Variants in OVCH1 observed in about 807,000 individuals in gnomAD.
OVCH1 encodes ovochymase-1.
Under a neutral mutation model 138.4 loss-of-function variants are expected in OVCH1, and 139 were observed. The observed-to-expected ratio is 1.00, with a 90% CI of 0.87 to 1.16. OVCH1 has a LOEUF of 1.16. Among genes scored for constraint, OVCH1 ranks in the 50% most tolerant of loss-of-function variants. OVCH1 has a pLI of 0.00. For missense variants in OVCH1, 1,367 were observed against 1,357.9 expected (o/e 1.01, Z -0.11); for synonymous variants, 453 against 467.8 (o/e 0.97, Z 0.41).
rs1404794693 is a variant in OVCH1, at chr12:29,451,610, TAAAGC to T, written c.2531-46_2531-42del. On this transcript the variant is annotated intron_variant, in intron 21 of 27. Transcript: ENST00000318184. ...CACAGACACCAGGGACCAACATAAA[TAAAGC>T]AAAGAAAAACCAGATTCTATCACAA... 5 of 1,496,044 alleles carry T rather than the reference TAAAGC, an allele frequency of 3.3e-6. No individual in the cohort carries two copies. The African/African-American group carries it at 7.0e-5, about 21-fold the overall frequency. 92.7% of individuals were successfully genotyped at this position (1,496,044 alleles called of 1,614,324 possible). A position where few individuals can be genotyped will look rare whatever the true frequency, so the allele number is the denominator to read the frequency against.
intron 2 of OVCH1, 46 bp downstream of exon 2, chr12:29,496,510 T>A: frequency 1.4e-6 from 2 of 1,470,070 alleles, no homozygotes; most frequent in Non-Finnish European, 1.9e-6. Context: ...AAAGGAAATA[T>A]TTCACTGTTT....
intron 16 of OVCH1, among the ~76,000 whole-genome samples, chr12:29,469,034 A>G (rs1942414142): frequency 6.6e-6 from 1 of 152,202 alleles, no homozygotes; most frequent in Non-Finnish European, 1.5e-5. Context: ...TCAAAGAGAC[A>G]CAGAAAACAA....
At chr12:29,437,626 C>A (rs1941388632) in intron 26 of OVCH1, among the ~76,000 whole-genome samples, 1 of 151,942 alleles carries the variant, frequency 6.6e-6, no homozygotes, top group Non-Finnish European at 1.5e-5. Context: ...AGTATGCTTT[C>A]CATGATTACA....
At chr12:29,481,494 A>T (rs1231542046) in intron 8 of OVCH1, among the ~76,000 whole-genome samples, 1 of 152,204 alleles carries the variant, frequency 6.6e-6, no homozygotes, top group Non-Finnish European at 1.5e-5. Context: ...CATCTACTAA[A>T]GTTGAAGCAA....
In OVCH1 at chr12:29,465,033, G is replaced by T. The variant is rs902111271; in HGVS notation, c.1929+114C>A. ...TTAAATGTGGGTATAAATAATAAGT[G>T]TGAAAGGGCCCTAGGAGATTAATAA... On this transcript the variant is annotated intron_variant, in intron 17 of 27. Coordinates refer to ENST00000318184, the Ensembl canonical transcript of OVCH1. 4.5e-6 allele frequency: 4 copies of T among 888,782 alleles called. No individual in the cohort carries two copies. The East Asian group carries it at 8.1e-5, about 18-fold the overall frequency. The allele number at this position is 888,782 out of a possible 1,614,324, so 55.1% of individuals were successfully genotyped here.
At chr12:29,460,935 TA>T (rs1218544092) in intron 19 of OVCH1, among the ~76,000 whole-genome samples, 4 of 152,320 alleles carry the variant, frequency 2.6e-5, no homozygotes, top group Non-Finnish European at 5.9e-5. Context: ...TTAATGACAA[TA>T]AACTTATATT....
the OVCH1 span, among the ~76,000 whole-genome samples, chr12:29,407,399 G>A: frequency 7.2e-4 from 107 of 149,280 alleles, no homozygotes; most frequent in Non-Finnish European, 3.2e-4. Context: ...TGTACTGAAT[G>A]GTATTGCCTA....
chr12:29,437,067 G>A (rs1225673990), intron 26 of OVCH1, among the ~76,000 whole-genome samples: 6 of 152,094 alleles, frequency 3.9e-5, no homozygotes, highest in Non-Finnish European at 8.8e-5. Flanking sequence ...CCTTTAGCTC[G>A]ATACAGAGCG....
intron 18 of OVCH1, 79 bp from the exon 19 acceptor site, chr12:29,462,087 G>A (rs775009246): frequency 6.6e-5 from 97 of 1,465,088 alleles, no homozygotes; most frequent in Non-Finnish European, 8.7e-5. Context: ...AAGTTCAGAT[G>A]TAGCTCTGTA....
chr12:29,484,795 T>C (rs1943042359), intron 8 of OVCH1, among the ~76,000 whole-genome samples: 1 of 152,198 alleles, frequency 6.6e-6, no homozygotes, highest in African/African-American at 2.4e-5. Flanking sequence ...CCCTGAGGTT[T>C]ACAATCTTCA....
intron 23 of OVCH1, 55 bp downstream of exon 23, chr12:29,445,223 T>C: frequency 6.7e-7 from 1 of 1,493,612 alleles, no homozygotes; most frequent in East Asian, 2.3e-5. Flanking sequence ...TATTCCTAAA[T>C]AGAGTAATAT....
At chr12:29,433,483 C>G (rs1941305553) in intron 27 of OVCH1, among the ~76,000 whole-genome samples, 1 of 152,148 alleles carries the variant, frequency 6.6e-6, no homozygotes, top group African/African-American at 2.4e-5. Context: ...TATAAATTAC[C>G]CAGTCTCAGG....
chr12:29,492,973 C>T (rs944651245), intron 4 of OVCH1, among the ~76,000 whole-genome samples: 7 of 152,216 alleles, frequency 4.6e-5, no homozygotes, highest in African/African-American at 4.8e-5. Context: ...ATGGGAATTG[C>T]GAAGTTACTT....
intron 19 of OVCH1, among the ~76,000 whole-genome samples, chr12:29,461,191 T>C (rs1451042974): frequency 6.6e-6 from 1 of 152,208 alleles, no homozygotes; most frequent in Non-Finnish European, 1.5e-5. Context: ...ACCCAAACTT[T>C]CCCTTACTTG....
At chr12:29,408,855 A>G (rs566994227), downstream of OVCH1, among the ~76,000 whole-genome samples, 6 of 151,688 alleles carry the variant, frequency 4.0e-5, no homozygotes, top group South Asian at 2.1e-4. Context: ...CTCTTTTTCT[A>G]TTGATTGGAA....
intron 3 of OVCH1, among the ~76,000 whole-genome samples, chr12:29,413,661 T>TACACACACACAC (rs34675791): frequency 0.013 from 1,867 of 149,138 alleles, 18 homozygotes; most frequent in Non-Finnish European, 0.021. Context: ...CTGTGTGTAT[T>TACACACACACAC]ACACACATAC....
intron 27 of OVCH1, among the ~76,000 whole-genome samples, chr12:29,429,111 T>TTAA (rs1317922727): frequency 6.6e-6 from 1 of 152,332 alleles, no homozygotes; most frequent in Non-Finnish European, 1.5e-5. Context: ...TTTCTCCACT[T>TTAA]TAATTTATCT....
At chr12:29,472,467 GTTC>G (rs1942546651) in intron 15 of OVCH1, among the ~76,000 whole-genome samples, 1 of 152,148 alleles carries the variant, frequency 6.6e-6, no homozygotes, top group East Asian at 1.9e-4. Context: ...TCTAAATGCT[GTTC>G]TCTTATCAGG....
chr12:29,423,269 T>A, downstream of OVCH1: 1 of 455,930 alleles, frequency 2.2e-6, no homozygotes, highest in Non-Finnish European at 4.4e-6. Flanking sequence ...GATATCAAGA[T>A]AAACTCTTTC....
Sources: allele counts gnomAD v4.1 joint callset (sites outside exome capture counted in the v4.1 genomes callset), GRCh38; gene constraint gnomAD v4.1.1; transcripts MANE v1.5; gene names NCBI Gene and HGNC (gene_info 2026-07-23, HGNC 2026-07-21).